COL4A2: variants seen among roughly 807,000 people sequenced by gnomAD.
COL4A2 encodes collagen alpha-2(IV) chain.
A neutral mutation model predicts 200.2 loss-of-function variants in COL4A2; 99 were observed. The ratio of observed to expected loss-of-function variants is 0.49; its 90% CI spans 0.42 to 0.58. The LOEUF is 0.58. Among genes scored for constraint, COL4A2 ranks in the 20% least tolerant of loss-of-function variants. COL4A2 has a pLI of 0.00. For synonymous variants in COL4A2, 897 were observed against 900.6 expected (o/e 1.00, Z 0.07); for missense variants, 1,950 against 2,314.1 (o/e 0.84, Z 3.23).
intron 13 of COL4A2, among the ~76,000 whole-genome samples, chr13:110,437,593 T>A (rs1289914212): frequency 6.6e-6 from 1 of 152,254 alleles, no homozygotes; most frequent in African/African-American, 2.4e-5. Flanking sequence ...AGTTTCAATA[T>A]GTTCCATGTG....
intron 27 of COL4A2, chr13:110,468,368 CA>C: frequency 2.1e-6 from 1 of 469,876 alleles, no homozygotes; most frequent in Non-Finnish European, 4.4e-6. Flanking sequence ...CAGCAACCCC[CA>C]AAATGGTGAC....
rs1442070976 is a variant in COL4A2, at chr13:110,445,846, T to C, written c.975T>C (p.Asp325=). 6.2e-7 allele frequency: 1 copy of C among 1,614,184 alleles called. No individual in the cohort carries two copies. The highest frequency in any genetic ancestry group is 1.1e-5 in the South Asian group (1 of 91,068). Residue 325 remains aspartate, a synonymous_variant, in exon 17 of 48, where the codon GAT becomes GAC. Transcript: ENST00000360467. ...SPGQKGSRGL[D]GYQGPDGPRG... ...TCTTGCAGGGAAGCCGAGGCCTGGATGGCTATCAAGGGCCTGATGGACCCC... is the reference window on the plus strand; with the variant it reads ...TCTTGCAGGGAAGCCGAGGCCTGGACGGCTATCAAGGGCCTGATGGACCCC...
At chr13:110,360,330 A>G (rs773012249) in intron 4 of COL4A2, among the ~76,000 whole-genome samples, 28 of 152,242 alleles carry the variant, frequency 1.8e-4, no homozygotes, top group Non-Finnish European at 3.4e-4. Context: ...ATGATTATTT[A>G]ATGCAGAATC....
intron 14 of COL4A2, 146 bp downstream of exon 14, chr13:110,438,183 G>A (rs1407795214): frequency 6.1e-6 from 4 of 653,922 alleles, no homozygotes; most frequent in Non-Finnish European, 1.1e-5. Context: ...GTATTAGCAT[G>A]CATTTTTACA....
intron 3 of COL4A2, among the ~76,000 whole-genome samples, chr13:110,347,330 G>A (rs917526002): frequency 7.2e-5 from 11 of 152,220 alleles, no homozygotes; most frequent in African/African-American, 2.4e-4. Flanking sequence ...CCCTTTAGCT[G>A]GGAAGGCTCG....
At chr13:110,328,293 A>G (rs1594148626) in intron 3 of COL4A2, 1 of 152,252 alleles carries the variant, frequency 6.6e-6, no homozygotes, top group Non-Finnish European at 1.5e-5. Flanking sequence ...TTGTTTAAAA[A>G]TCAGTTAAAC....
chr13:110,476,930 G>A (rs950333729), intron 29 of COL4A2, among the ~76,000 whole-genome samples: 2 of 152,212 alleles, frequency 1.3e-5, no homozygotes, highest in Middle Eastern at 3.2e-3. Flanking sequence ...TATCCTGCAT[G>A]TGGAAAGCAA....
chr13:110,477,620 G>A lies in COL4A2; in HGVS notation c.2426-383G>A, dbSNP rs146742398. Among the ~76,000 whole-genome samples the A allele has an allele frequency of 2.7e-3, 418 of 152,370 alleles. 2 individuals are homozygous for A. The highest frequency in any genetic ancestry group is 9.1e-3 in the African/African-American group (377 of 41,582). ...CGATGGAATACATTCAATGTGTCCA[G>A]ATGATAGAGTTTTATTCATGTAGTT... On this transcript the variant is annotated intron_variant, in intron 29 of 47. Coordinates refer to ENST00000360467, the MANE Select transcript of COL4A2 (RefSeq NM_001846.4).
intron 46 of COL4A2, chr13:110,507,374 T>C (rs1883921784): frequency 6.3e-6 from 1 of 157,612 alleles, no homozygotes; most frequent in Admixed American, 6.0e-5. Context: ...GGAGGCAGCC[T>C]AGCACCGGGC....
At chr13:110,475,650 C>A (rs942948762) in intron 29 of COL4A2, among the ~76,000 whole-genome samples, 3 of 152,198 alleles carry the variant, frequency 2.0e-5, no homozygotes, top group African/African-American at 7.2e-5. Context: ...CATCAACATT[C>A]CAAGTAACTA....
chr13:110,437,669 C>T (rs1345593007), intron 13 of COL4A2, among the ~76,000 whole-genome samples: 1 of 152,132 alleles, frequency 6.6e-6, no homozygotes, highest in Non-Finnish European at 1.5e-5. Context: ...TAAGGCTTTT[C>T]CTTGGGCACG....
chr13:110,407,646 A>G (rs895056851), intron 4 of COL4A2, among the ~76,000 whole-genome samples: 1 of 152,256 alleles, frequency 6.6e-6, no homozygotes, highest in Non-Finnish European at 1.5e-5. Flanking sequence ...TGGGGTGCAC[A>G]GAGGCAGTTC....
At chr13:110,451,666 C>T (rs1320482947) in intron 20 of COL4A2, among the ~76,000 whole-genome samples, 2 of 152,212 alleles carry the variant, frequency 1.3e-5, no homozygotes, top group Admixed American at 6.5e-5. Context: ...TCCATTACCT[C>T]CTGTGAACCA....
At position 110,307,989 on chromosome 13, in the gene COL4A2, T is replaced by G. The variant is rs1884844264; in HGVS notation, c.44+42T>G. On this transcript the variant is annotated intron_variant, in intron 2 of 47. Transcript: ENST00000360467. The surrounding 1 kb of genome is among the most constrained non-coding windows in gnomAD (Gnocchi z 5.0). ...CTGGTCCCCGTGGGTCACGCGCGCATGGACCCTTCGGTGTAACTCTCGGGG... is the reference window on the plus strand; with the variant it reads ...CTGGTCCCCGTGGGTCACGCGCGCAGGGACCCTTCGGTGTAACTCTCGGGG... 1.9e-6 allele frequency: 3 copies of G among 1,612,024 alleles called. No homozygotes were observed. The highest frequency in any genetic ancestry group is 2.5e-6 in the Non-Finnish European group (3 of 1,179,078).
intron 16 of COL4A2, 81 bp downstream of exon 16, chr13:110,439,914 A>C: frequency 9.1e-6 from 14 of 1,533,014 alleles, no homozygotes; most frequent in South Asian, 1.3e-5. Flanking sequence ...TTGGCATCTC[A>C]GGAAAGAAAA....
chr13:110,449,586 T>C (rs1190744617), intron 18 of COL4A2, 93 bp from the exon 19 acceptor site: 1 of 1,239,796 alleles, frequency 8.1e-7, no homozygotes, highest in African/African-American at 1.5e-5. Flanking sequence ...ATATGGAGCA[T>C]TTGGTAAATA....
chr13:110,424,806 G>A lies in COL4A2; in HGVS notation c.253G>A (p.Gly85Arg), dbSNP rs1294757187. ...PGLQGFPGLQ[G>R]RKGDKGERGA... is the part of the protein sequence containing the mutation. Reference sequence around the variant, plus strand: ...ATTACAAGGATTCCCGGGACTGCAGGGACGTAAAGGAGACAAGGGTGAAAG... The same window carrying A: ...ATTACAAGGATTCCCGGGACTGCAGAGACGTAAAGGAGACAAGGGTGAAAG... The change falls in exon 5 of 48, where the codon GGA becomes AGA. Residue 85 changes from glycine (G) to arginine (R), a missense_variant. Gly to Arg is a moderately radical substitution (Grantham distance 125, BLOSUM62 -2). Transcript: ENST00000360467. 3 of 1,613,752 alleles carry A rather than the reference G, an allele frequency of 1.9e-6. No individual in the cohort carries two copies. Among genetic ancestry groups the A allele is most frequent in the African/African-American group, 2.7e-5 (2 of 74,920 alleles).
At chr13:110,473,342 T>TA (rs1882556552) in intron 29 of COL4A2, 192 bp downstream of exon 29, 3 of 547,038 alleles carry the variant, frequency 5.5e-6, no homozygotes, top group Non-Finnish European at 9.5e-6. Flanking sequence ...CTACCCACGG[T>TA]AGCCAGTGCG....
intron 28 of COL4A2, among the ~76,000 whole-genome samples, chr13:110,470,981 G>A (rs139893982): frequency 2.9e-3 from 440 of 152,250 alleles, no homozygotes; most frequent in Non-Finnish European, 4.5e-3. Context: ...CTCTGCATTC[G>A]AATGAAGCAA....
Sources: gnomAD v4.1 joint callset for allele counts (sites outside exome capture counted in the v4.1 genomes callset) on GRCh38, gnomAD v4.1.1 for gene constraint, Gnocchi (gnomAD v3.1) non-coding constraint, MANE v1.5 for transcripts, NCBI Gene and HGNC (gene_info 2026-07-23, HGNC 2026-07-21) for gene names.